Variants in FAM168A observed in about 807,000 individuals in gnomAD.
The protein encoded by FAM168A is protein FAM168A.
In FAM168A, 3 loss-of-function variants were observed where a neutral mutation model predicts 28.5. The observed-to-expected ratio is 0.11, with a 90% CI of 0.05 to 0.27. The LOEUF (loss-of-function observed/expected upper bound fraction) is 0.27. FAM168A is among the 10% of genes least tolerant of loss of function. FAM168A has a pLI of 1.00. For synonymous variants in FAM168A, 122 were observed against 124.2 expected (o/e 0.98, Z 0.12); for missense variants, 222 against 311.5 (o/e 0.71, Z 2.16).
rs200293619 is a variant in FAM168A, at chr11:73,591,364, GA to G, written c.-19+6558del. Among the ~76,000 whole-genome samples, 775 of 152,066 alleles carry G rather than the reference GA, an allele frequency of 5.1e-3. 12 individuals carry two copies. The highest frequency in any genetic ancestry group is 0.018 in the African/African-American group (749 of 41,446). ...GTAAAATGATCACAATTCCTTATACGACACAAATATGAGGATTAAATTCTAT... is the reference window on the plus strand; with the variant it reads ...GTAAAATGATCACAATTCCTTATACGCACAAATATGAGGATTAAATTCTAT... On this transcript the variant is annotated intron_variant, in intron 1 of 7. Transcript: ENST00000356467.
rs1444917450 is a variant in FAM168A at position 73,409,501 on chromosome 11, ATGG to A, written c.578_580del (p.Thr193del). 2 of 1,613,832 alleles carry A rather than the reference ATGG, an allele frequency of 1.2e-6. No homozygotes were observed. Among genetic ancestry groups the A allele is most frequent in the South Asian group, 2.2e-5 (2 of 90,996 alleles). On this transcript the variant is annotated inframe_deletion, in exon 6 of 8. Coordinates refer to ENST00000356467, the MANE Select transcript of FAM168A (RefSeq NM_015159.3). ...GCTGCCCTCACCTGCTGACATTGCC[ATGG>A]TGGTGCCTGCCACCATGCCCATGGC...
intron 1 of FAM168A, among the ~76,000 whole-genome samples, chr11:73,562,940 C>T (rs1943976024): frequency 6.6e-6 from 1 of 152,094 alleles, no homozygotes; most frequent in African/African-American, 2.4e-5. Context: ...ACACGGGCCC[C>T]AGAGAGGGGA....
At chr11:73,438,654 G>T (rs1359225191) in intron 2 of FAM168A, among the ~76,000 whole-genome samples, 1 of 152,162 alleles carries the variant, frequency 6.6e-6, no homozygotes, top group Non-Finnish European at 1.5e-5. Flanking sequence ...TTTAAACTGG[G>T]GGGTTTCATA....
chr11:73,505,462 A>G (rs181541906), intron 1 of FAM168A, among the ~76,000 whole-genome samples: 1 of 152,358 alleles, frequency 6.6e-6, no homozygotes, highest in African/African-American at 2.4e-5. Context: ...TGCCCAACAT[A>G]TAAAAACTAG....
intron 4 of FAM168A, among the ~76,000 whole-genome samples, chr11:73,413,531 A>G (rs1866651205): frequency 6.6e-6 from 1 of 152,204 alleles, no homozygotes; most frequent in African/African-American, 2.4e-5. Context: ...GCAGATGTCT[A>G]GAAGGAACCA....
At chr11:73,482,929 G>A (rs1324614409) in intron 1 of FAM168A, among the ~76,000 whole-genome samples, 2 of 151,994 alleles carry the variant, frequency 1.3e-5, no homozygotes, top group African/African-American at 2.4e-5. Context: ...TAGTAGAGAC[G>A]AGGTTTCACC....
intron 2 of FAM168A, among the ~76,000 whole-genome samples, chr11:73,435,886 T>C (rs1867079094): frequency 1.3e-5 from 2 of 152,220 alleles, no homozygotes; most frequent in Non-Finnish European, 2.9e-5. Context: ...ATTTCTCCCA[T>C]TTTATAGCTA....
At chr11:73,580,531 C>T in intron 1 of FAM168A, 1 of 589,612 alleles carries the variant, frequency 1.7e-6, no homozygotes, top group Non-Finnish European at 3.3e-6. Flanking sequence ...GAAGTGTGTG[C>T]ATTTTTAATA....
intron 4 of FAM168A, 76 bp from the exon 5 acceptor site, chr11:73,411,612 C>G: frequency 6.7e-7 from 1 of 1,482,160 alleles, no homozygotes; most frequent in Non-Finnish European, 9.3e-7. Flanking sequence ...GTCCCAGTCA[C>G]GACTCCCCAG....
Position 73,401,277 on chromosome 11 carries a change from CAG to C in FAM168A, c.*5484_*5485del. The stretch of plus-strand genomic sequence containing the variant: ...GGTTTCTCTGTCATGTGATATGAAA[CAG>C]GGAAGCAGATGCCTTTAAGTCAGGA... On this transcript the variant is annotated 3_prime_UTR_variant, in exon 8 of 8. Transcript: ENST00000356467. 6.6e-6 allele frequency: 1 copy of C among 152,212 alleles called. No homozygotes were observed. The highest frequency in any genetic ancestry group is 6.5e-5 in the Admixed American group (1 of 15,296). The allele number at this position is 152,212 out of a possible 1,614,324, so 9.4% of individuals were successfully genotyped here. A position where few individuals can be genotyped will look rare whatever the true frequency, so the allele number is the denominator to read the frequency against.
At chr11:73,541,111 A>G (rs538797594) in intron 1 of FAM168A, among the ~76,000 whole-genome samples, 68 of 151,914 alleles carry the variant, frequency 4.5e-4, no homozygotes, top group South Asian at 1.0e-3. Context: ...AGGCTGAGAC[A>G]GGAGAAGCAC....
chr11:73,545,681 T>C (rs1943739858), intron 1 of FAM168A, among the ~76,000 whole-genome samples: 1 of 147,870 alleles, frequency 6.8e-6, no homozygotes, highest in African/African-American at 2.5e-5. Flanking sequence ...GAATACTATA[T>C]ACTTTTTTTT....
At chr11:73,597,455 C>A (rs1944450009) in intron 1 of FAM168A, among the ~76,000 whole-genome samples, 1 of 151,966 alleles carries the variant, frequency 6.6e-6, no homozygotes, top group African/African-American at 2.4e-5. Flanking sequence ...CCCTAACCAA[C>A]CCTGTACATG....
chr11:73,535,873 ATT>A (rs59707150), intron 1 of FAM168A, among the ~76,000 whole-genome samples: 6 of 141,322 alleles, frequency 4.2e-5, no homozygotes, highest in African/African-American at 7.6e-5. Context: ...CACTTAAAAC[ATT>A]TTTTTTTTTT....
intron 1 of FAM168A, among the ~76,000 whole-genome samples, chr11:73,589,512 A>G (rs1281260843): frequency 6.6e-6 from 1 of 151,334 alleles, no homozygotes; most frequent in Non-Finnish European, 1.5e-5. Flanking sequence ...AAAAAAAAAG[A>G]AAAAAAAAGT....
intron 1 of FAM168A, among the ~76,000 whole-genome samples, chr11:73,484,507 G>GAGAGAGATATATATATATAT (rs1243168733): frequency 1.3e-5 from 1 of 77,774 alleles, no homozygotes; most frequent in African/African-American, 5.7e-5. Flanking sequence ...AGGAGAGAGA[G>GAGAGAGATATATATATATAT]ATATATATAG....
chr11:73,459,075 CTTTGTT>C (rs1867592572), intron 2 of FAM168A, among the ~76,000 whole-genome samples: 1 of 151,824 alleles, frequency 6.6e-6, no homozygotes, highest in Admixed American at 6.6e-5. Flanking sequence ...GAAAGTCAAA[CTTTGTT>C]TTTGTTTTGT....
chr11:73,523,909 C>A (rs2134654872), intron 1 of FAM168A, among the ~76,000 whole-genome samples: 1 of 149,440 alleles, frequency 6.7e-6, no homozygotes, highest in African/African-American at 2.5e-5. Context: ...GTCGCCCAAG[C>A]CAGAGTACAA....
chr11:73,441,367 A>C (rs1867192028), intron 2 of FAM168A, among the ~76,000 whole-genome samples: 2 of 152,142 alleles, frequency 1.3e-5, no homozygotes. Context: ...TAGGCAGGCA[A>C]AAAAATTTTA....
Sources: gnomAD v4.1 joint callset for allele counts (sites outside exome capture counted in the v4.1 genomes callset) on GRCh38, gnomAD v4.1.1 for gene constraint, MANE v1.5 for transcripts, NCBI Gene and HGNC (gene_info 2026-07-23, HGNC 2026-07-21) for gene names.